The following LYPLAL1 variants were observed in gnomAD, a reference collection of about 807,000 sequenced individuals.
LYPLAL1 encodes the protein lysophospholipase like 1.
LYPLAL1 carries 23 observed loss-of-function variants against 19.7 expected under a neutral mutation model. The observed-to-expected ratio is 1.17, with a 90% confidence interval of 0.84 to 1.65. The LOEUF is 1.65. Among genes scored for constraint, LYPLAL1 ranks in the 40% most tolerant of loss-of-function variants. The probability of loss-of-function intolerance (pLI) is 0.00; values close to 1 mark genes in which losing one functional copy is unlikely to be tolerated. For synonymous variants in LYPLAL1, 119 were observed against 96.3 expected, an observed-to-expected ratio of 1.24 and a Z score of -1.38; for missense variants, 355 against 279.4, an observed-to-expected ratio of 1.27 and a Z score of -1.93.
At chr1:219,348,208 C>A in the LYPLAL1 span, among the ~76,000 whole-genome samples, 2 of 152,334 alleles carry the variant, frequency 1.3e-5, no homozygotes, top group Admixed American at 6.5e-5. Context: ...GTCAGGCAAA[C>A]CCCACTTCCA....
chr1:219,281,486 G>A, the LYPLAL1 span, among the ~76,000 whole-genome samples: 1 of 152,132 alleles, frequency 6.6e-6, no homozygotes, highest in African/African-American at 2.4e-5. Flanking sequence ...AACCCAGAAA[G>A]GCTCAGAATT....
the LYPLAL1 span, among the ~76,000 whole-genome samples, chr1:219,370,595 C>A: frequency 6.6e-6 from 1 of 152,146 alleles, no homozygotes; most frequent in South Asian, 2.1e-4. Context: ...CAAACAACTT[C>A]GGGAGATAGA....
the LYPLAL1 span, among the ~76,000 whole-genome samples, chr1:219,381,900 A>T: frequency 2.6e-5 from 4 of 152,212 alleles, no homozygotes; most frequent in Non-Finnish European, 5.9e-5. Flanking sequence ...GGTACAGGAA[A>T]TCACATGGTC....
the LYPLAL1 span, among the ~76,000 whole-genome samples, chr1:219,285,802 T>TG: frequency 1.3e-5 from 2 of 152,194 alleles, no homozygotes; most frequent in Non-Finnish European, 2.9e-5. Context: ...ATAGAGGTGG[T>TG]GGTTGCACAA....
chr1:219,188,337 G>A (rs1656886859), intron 2 of LYPLAL1, among the ~76,000 whole-genome samples: 1 of 151,828 alleles, frequency 6.6e-6, no homozygotes, highest in Non-Finnish European at 1.5e-5. Context: ...TATACTTTCA[G>A]TTGGAGAGTC....
intron 3 of LYPLAL1, among the ~76,000 whole-genome samples, chr1:219,197,060 G>A (rs368522739): frequency 9.9e-5 from 15 of 152,024 alleles, no homozygotes; most frequent in African/African-American, 1.4e-4. Context: ...CATACTACCC[G>A]AAGTAATTTA....
chr1:219,405,649 A>G, the LYPLAL1 span, among the ~76,000 whole-genome samples: 3 of 152,206 alleles, frequency 2.0e-5, no homozygotes, highest in Non-Finnish European at 4.4e-5. Flanking sequence ...GATATTACCC[A>G]ATAAATGTTT....
chr1:219,274,701 A>G, the LYPLAL1 span, among the ~76,000 whole-genome samples: 1 of 152,008 alleles, frequency 6.6e-6, no homozygotes, highest in Non-Finnish European at 1.5e-5. Context: ...TATTTTTTAG[A>G]ATTGAAGTGG....
At chr1:219,354,741 C>A in the LYPLAL1 span, among the ~76,000 whole-genome samples, 2 of 152,110 alleles carry the variant, frequency 1.3e-5, no homozygotes, top group South Asian at 4.1e-4. Flanking sequence ...AATTAATAGA[C>A]ATAAACTAAA....
the LYPLAL1 span, among the ~76,000 whole-genome samples, chr1:219,264,918 T>A: frequency 4.6e-5 from 7 of 152,240 alleles, no homozygotes; most frequent in African/African-American, 1.7e-4. Context: ...TTCAGTGCCT[T>A]ATACACATTA....
the LYPLAL1 span, among the ~76,000 whole-genome samples, chr1:219,246,894 A>G: frequency 6.6e-6 from 1 of 152,114 alleles, no homozygotes; most frequent in African/African-American, 2.4e-5. Context: ...CCTAACTTAC[A>G]CTTTCTATAA....
chr1:219,196,080 T>A (rs1657579035), intron 3 of LYPLAL1, among the ~76,000 whole-genome samples: 1 of 152,186 alleles, frequency 6.6e-6, no homozygotes, highest in Non-Finnish European at 1.5e-5. Context: ...AGTCTGTCAT[T>A]GATGGGCGTT....
the LYPLAL1 span, among the ~76,000 whole-genome samples, chr1:219,419,597 A>AGAGAGAGG: frequency 6.6e-6 from 1 of 151,098 alleles, no homozygotes; most frequent in Non-Finnish European, 1.5e-5. Context: ...ACACACACAG[A>AGAGAGAGG]GAGAGAGAGA....
the LYPLAL1 span, among the ~76,000 whole-genome samples, chr1:219,304,812 A>G: frequency 6.6e-6 from 1 of 152,226 alleles, no homozygotes; most frequent in African/African-American, 2.4e-5. Context: ...AGGGAATTAA[A>G]GGCTAGTCTA....
At chr1:219,300,037 G>C in the LYPLAL1 span, among the ~76,000 whole-genome samples, 50,341 of 151,988 alleles carry the variant, frequency 0.33, 8,984 homozygotes, top group East Asian at 0.7. Context: ...GGAGTGCAGT[G>C]GTACAATCAC....
At chr1:219,242,859 C>T in the LYPLAL1 span, among the ~76,000 whole-genome samples, 3 of 152,116 alleles carry the variant, frequency 2.0e-5, no homozygotes, top group East Asian at 3.9e-4. Flanking sequence ...GTTGCATTTA[C>T]AGTGTTTCTG....
At chr1:219,428,654 C>A in the LYPLAL1 span, among the ~76,000 whole-genome samples, 457 of 152,320 alleles carry the variant, frequency 3.0e-3, 3 homozygotes, top group Non-Finnish European at 5.5e-3. Context: ...AGCTTACAAT[C>A]CTGTAGTGGC....
At chr1:219,301,437 G>A in the LYPLAL1 span, among the ~76,000 whole-genome samples, 8 of 152,064 alleles carry the variant, frequency 5.3e-5, no homozygotes, top group African/African-American at 1.7e-4. Flanking sequence ...AATTGTACTA[G>A]AATAAAAGGA....
the LYPLAL1 span, among the ~76,000 whole-genome samples, chr1:219,246,607 G>T: frequency 3.9e-5 from 6 of 152,130 alleles, no homozygotes; most frequent in Non-Finnish European, 7.3e-5. Context: ...TTCTCTTGGA[G>T]ACAGGGTCTC....
Sources: allele counts gnomAD v4.1 joint callset (sites outside exome capture counted in the v4.1 genomes callset), GRCh38; gene constraint gnomAD v4.1.1; transcripts MANE v1.5; gene names NCBI Gene and HGNC (gene_info 2026-07-23, HGNC 2026-07-21).